SVIL: variants seen among roughly 807,000 people sequenced by gnomAD.
SVIL encodes the protein supervillin.
In SVIL, 101 loss-of-function variants were observed where a neutral mutation model predicts 240.4. The observed-to-expected ratio is 0.42, with a 90% CI of 0.36 to 0.50. The LOEUF is 0.50. Ranked by LOEUF, SVIL falls within the 20% of genes least tolerant of loss-of-function variation. SVIL has a pLI of 0.01. For synonymous variants in SVIL, 999 were observed against 1,100.0 expected, an observed-to-expected ratio of 0.91 and a Z score of 1.82; for missense variants, 2,512 against 2,818.7, an observed-to-expected ratio of 0.89 and a Z score of 2.46.
rs1460689915 is a variant in SVIL, at chr10:29,533,324, G to C, written c.1043C>G (p.Ala348Gly). The C allele has an allele frequency of 1.9e-6, 3 of 1,614,132 alleles. No individual in the cohort carries two copies. Among genetic ancestry groups the C allele is most frequent in the African/African-American group, 1.3e-5 (1 of 75,022 alleles). ...HYVSFQSEHSAFDRVPSKAAG... is the reference protein window; with the variant it reads ...HYVSFQSEHSGFDRVPSKAAG... ...TGCCTTGCTGGGGACCCTATCAAAG[G>C]CTGAGTGCTCAGACTGAAATGACAC... Residue 348 changes from alanine to glycine, a missense_variant, in exon 8 of 38, where the codon GCC becomes GGC. Physicochemically the swap from Ala to Gly is moderately conservative, Grantham distance 60. Around this residue, in one of 3 missense-constraint regions of SVIL, gnomAD observed 1,443 missense variants for 1,486.6 expected, o/e 0.97. Coordinates refer to ENST00000355867, the MANE Select transcript of SVIL (RefSeq NM_021738.3).
chr10:29,554,771 C>T lies in SVIL; in HGVS notation c.160+12G>A. On this transcript the variant is annotated intron_variant, in intron 5 of 37. Transcript: ENST00000355867. ...GCCTGCTGGAAAATGGGCCACCCAG[C>T]TCCACGCTCACCGATGTGGGGGCTG... 2 of 1,571,780 alleles carry T rather than the reference C, an allele frequency of 1.3e-6. No individual in the cohort carries two copies. Among genetic ancestry groups the T allele is most frequent in the Middle Eastern group, 2.0e-4 (1 of 5,090 alleles).
At chr10:29,583,299 G>T (rs530483778) in intron 1 of SVIL, among the ~76,000 whole-genome samples, 90 of 152,152 alleles carry the variant, frequency 5.9e-4, no homozygotes, top group Admixed American at 2.7e-3. Context: ...TTTTCCATGG[G>T]TTATTTTTTA....
chr10:29,683,765 C>A (rs962672406), intron 2 of SVIL, among the ~76,000 whole-genome samples: 20 of 152,140 alleles, frequency 1.3e-4, no homozygotes, highest in African/African-American at 4.6e-4. Context: ...CCTTAGGATC[C>A]AAACACAGCC....
At chr10:29,535,537 T>C (rs74745186) in intron 7 of SVIL, among the ~76,000 whole-genome samples, 10 of 152,214 alleles carry the variant, frequency 6.6e-5, no homozygotes, top group African/African-American at 2.4e-4. Flanking sequence ...AATTTAACTG[T>C]TGAAAATTAA....
intron 1 of SVIL, chr10:29,602,460 A>C: frequency 3.7e-6 from 1 of 272,294 alleles, no homozygotes; most frequent in South Asian, 3.4e-5. Context: ...CTTCCATAAA[A>C]GGCCTGGGCA....
intron 1 of SVIL, among the ~76,000 whole-genome samples, chr10:29,593,941 G>T (rs1283174281): frequency 2.6e-5 from 4 of 152,226 alleles, no homozygotes; most frequent in African/African-American, 9.6e-5. Context: ...GGAATACATA[G>T]GTGGAGCACA....
At chr10:29,461,945 C>A (rs922959886) in intron 36 of SVIL, among the ~76,000 whole-genome samples, 1 of 152,206 alleles carries the variant, frequency 6.6e-6, no homozygotes, top group Non-Finnish European at 1.5e-5. Context: ...CACTGAGAGA[C>A]AAGCAATGCC....
In SVIL at chr10:29,634,502, AAAAAC is replaced by A. The variant is rs1163297819; in HGVS notation, c.-288_-284del. The stretch of plus-strand genomic sequence containing the variant: ...TGCAATTCCTTATTTTTCTAATTTA[AAAAAC>A]AAAACAAAACACGTTATACCCTCGA... On this transcript the variant is annotated 5_prime_UTR_variant, in exon 1 of 38. Transcript: ENST00000355867. The A allele has an allele frequency of 6.6e-6, 1 of 152,222 alleles. No homozygotes were observed. Among genetic ancestry groups the A allele is most frequent in the Non-Finnish European group, 1.5e-5 (1 of 68,040 alleles). 9.4% of individuals were successfully genotyped at this position (152,222 alleles called of 1,614,324 possible).
rs145910618 is a variant in SVIL at position 29,685,414 on chromosome 10, T to C, written c.-301+1139A>G. On this transcript the variant is annotated intron_variant, in intron 2 of 35. Coordinates refer to the SVIL transcript ENST00000375400. ...TACATGTGCCCTTATGGCAGAACAA[T>C]GTATACACGTTTGGGTCTATAGCCA... is the stretch of plus-strand genomic sequence containing the variant. Among the ~76,000 whole-genome samples, 772 of 152,348 alleles carry C rather than the reference T, an allele frequency of 5.1e-3. 2 individuals carry two copies. The highest frequency in any genetic ancestry group is 8.4e-3 in the Non-Finnish European group (569 of 68,032).
At chr10:29,582,189 C>T (rs1165740510) in intron 1 of SVIL, among the ~76,000 whole-genome samples, 1 of 152,196 alleles carries the variant, frequency 6.6e-6, no homozygotes, top group African/African-American at 2.4e-5. Flanking sequence ...GAACTGTTCA[C>T]TTAAACGTGG....
intron 33 of SVIL, 142 bp from the exon 34 acceptor site, chr10:29,465,892 G>T: frequency 9.7e-7 from 1 of 1,026,766 alleles, no homozygotes; most frequent in Non-Finnish European, 1.4e-6. Flanking sequence ...GGTGGAGAAA[G>T]CCTTTTCAAG....
intron 13 of SVIL, among the ~76,000 whole-genome samples, chr10:29,525,432 C>T (rs889217414): frequency 3.3e-5 from 5 of 152,020 alleles, no homozygotes; most frequent in South Asian, 2.1e-4. Flanking sequence ...TGGGCAACAT[C>T]GTGAAACCCC....
intron 1 of SVIL, among the ~76,000 whole-genome samples, chr10:29,596,035 G>C (rs373522286): frequency 6.6e-6 from 1 of 152,226 alleles, no homozygotes; most frequent in Non-Finnish European, 1.5e-5. Context: ...GATGAGGCCA[G>C]CCTGTGTGCA....
intron 1 of SVIL, among the ~76,000 whole-genome samples, chr10:29,712,760 G>A (rs1202998615): frequency 1.3e-5 from 2 of 152,114 alleles, no homozygotes; most frequent in Non-Finnish European, 2.9e-5. Flanking sequence ...GCTGAAAGAT[G>A]GACAACAGGA....
intron 34 of SVIL, among the ~76,000 whole-genome samples, chr10:29,463,874 CT>C (rs1192289965): frequency 6.6e-6 from 1 of 152,206 alleles, no homozygotes; most frequent in Non-Finnish European, 1.5e-5. Context: ...AGGAGTTGGT[CT>C]TTTTCATTCC....
intron 1 of SVIL, among the ~76,000 whole-genome samples, chr10:29,707,883 T>C (rs529634592): frequency 1.3e-5 from 2 of 152,244 alleles, no homozygotes; most frequent in South Asian, 4.1e-4. Context: ...CTTAGAACAG[T>C]CACATGGCTA....
intron 2 of SVIL, among the ~76,000 whole-genome samples, chr10:29,667,871 T>A (rs1048977040): frequency 4.1e-5 from 6 of 147,154 alleles, no homozygotes; most frequent in East Asian, 4.0e-4. Context: ...AAAAAAAAAA[T>A]AAGCTGTACA....
intron 1 of SVIL, among the ~76,000 whole-genome samples, chr10:29,598,399 A>G (rs2132827775): frequency 6.6e-6 from 1 of 152,348 alleles, no homozygotes. Context: ...CCACAATAAA[A>G]AAAATTTGAG....
chr10:29,508,404 A>G (rs1156567097), intron 17 of SVIL: 1 of 1,289,546 alleles, frequency 7.8e-7, no homozygotes, highest in Non-Finnish European at 1.0e-6. Flanking sequence ...AGGTTAAAAC[A>G]AACAGGGAAC....
Sources: gnomAD v4.1 joint callset for allele counts (sites outside exome capture counted in the v4.1 genomes callset) on GRCh38, gnomAD v4.1.1 for gene constraint, gnomAD v4.1.1 regional missense constraint, MANE v1.5 for transcripts, NCBI Gene and HGNC (gene_info 2026-07-23, HGNC 2026-07-21) for gene names.